IFT122: variants seen among roughly 807,000 people sequenced by gnomAD.
The protein encoded by IFT122 is intraflagellar transport 122, also known as intraflagellar transport protein 122 homolog.
In IFT122, 118 loss-of-function variants were observed where a neutral mutation model predicts 161.6. That is an observed-to-expected ratio of 0.73 (90% CI 0.63 to 0.85). The LOEUF is 0.85. Ranked by LOEUF, IFT122 falls within the 40% of genes least tolerant of loss-of-function variation. IFT122 has a pLI of 0.00. For missense variants in IFT122, 1,381 were observed against 1,579.6 expected, an observed-to-expected ratio of 0.87 and a Z score of 2.13; for synonymous variants, 550 against 602.4, an observed-to-expected ratio of 0.91 and a Z score of 1.27.
At position 129,467,040 on chromosome 3, in the gene IFT122, G is replaced by A. The variant is rs17852522; in HGVS notation, c.714G>A (p.Glu238=). 1.2e-6 allele frequency: 2 copies of A among 1,614,064 alleles called. No homozygotes were observed. The highest frequency in any genetic ancestry group is 4.5e-5 in the East Asian group (2 of 44,890). The change falls in exon 8 of 30, where the codon GAG becomes GAA. Residue 238 remains glutamate (E), a synonymous_variant. Transcript: ENST00000348417. ...CAGAGGAGGAAGAACCAGAGGAAGA[G>A]GACGACAGTCCCAGGGACGACAACT... is the stretch of plus-strand genomic sequence containing the variant. ...SEAEEEEPEE[E]DDSPRDDNLE...
rs781338240 is a variant in IFT122, at chr3:129,458,603, G to A, written c.198G>A (p.Lys66=). The A allele has an allele frequency of 1.2e-6, 2 of 1,613,814 alleles. No individual in the cohort carries two copies. Among genetic ancestry groups the A allele is most frequent in the Middle Eastern group, 1.6e-4 (1 of 6,062 alleles). ...VYCVAYAKDG[K]RFASGSADKS... is the part of the protein sequence containing the mutation. The stretch of plus-strand genomic sequence containing the variant: ...CCATTTTACAAACACTTTTAGGCAA[G>A]CGCTTTGCTTCTGGATCAGCTGACA... The change falls in exon 4 of 30, where the codon AAG becomes AAA. Residue 66 remains lysine, a synonymous_variant. Coordinates refer to ENST00000348417, the MANE Select transcript of IFT122 (RefSeq NM_052989.3).
intron 20 of IFT122, 99 bp downstream of exon 20, chr3:129,502,981 C>T: frequency 8.8e-7 from 1 of 1,142,740 alleles, no homozygotes; most frequent in Non-Finnish European, 1.3e-6. Context: ...TGGAGAGAAG[C>T]TGCCCTCGTG....
intron 4 of IFT122, 24 bp downstream of exon 4, chr3:129,458,701 TTA>T (rs767510838): frequency 6.5e-7 from 1 of 1,538,360 alleles, no homozygotes; most frequent in Non-Finnish European, 9.0e-7. Flanking sequence ...GTGTACAGTA[TTA>T]TGAGTTTGAT....
intron 11 of IFT122, 144 bp downstream of exon 11, chr3:129,476,945 C>CTT (rs952499116): frequency 1.4e-3 from 896 of 641,816 alleles, no homozygotes; most frequent in Non-Finnish European, 1.7e-3. Context: ...GTCTTGTTTT[C>CTT]TTTTTTTTTT....
chr3:129,463,285 G>A, intron 5 of IFT122: 2 of 419,836 alleles, frequency 4.8e-6, no homozygotes, highest in South Asian at 2.2e-5. Flanking sequence ...TCACCATGCA[G>A]TTACCACTTA....
At chr3:129,493,981 T>G (rs67688838) in intron 17 of IFT122, among the ~76,000 whole-genome samples, 20,122 of 152,174 alleles carry the variant, frequency 0.13, 1,690 homozygotes, top group South Asian at 0.24. Flanking sequence ...TGCAGACTTA[T>G]TTGCACACAT....
chr3:129,519,857 G>T (rs1560037458), intron 29 of IFT122, 125 bp downstream of exon 29: 8 of 1,164,724 alleles, frequency 6.9e-6, no homozygotes, highest in East Asian at 2.4e-5. Context: ...TTGGGACAGA[G>T]GCTTGTCTGT....
In IFT122 at chr3:129,476,081, G is replaced by A. The variant is rs1577577533; in HGVS notation, c.817-234G>A. ...TCCTGGAGCACTTGGGTGGGACTAG[G>A]GGAGGTGCCACTGACTCCAGGAGCT... On this transcript the variant is annotated intron_variant, in intron 9 of 29. Coordinates refer to ENST00000348417, the MANE Select transcript of IFT122 (RefSeq NM_052989.3). 26 of 559,532 alleles carry A rather than the reference G, an allele frequency of 4.6e-5. No homozygotes were observed. The East Asian group carries it at 8.0e-4, about 17-fold the overall frequency. 34.7% of individuals were successfully genotyped at this position (559,532 alleles called of 1,614,324 possible). A position where few individuals can be genotyped will look rare whatever the true frequency, so the allele number is the denominator to read the frequency against.
At chr3:129,505,149 A>G (rs956942708) in intron 21 of IFT122, among the ~76,000 whole-genome samples, 16 of 152,184 alleles carry the variant, frequency 1.1e-4, no homozygotes, top group Admixed American at 6.5e-4. Context: ...AATCTTGCCA[A>G]CAGCTGTGCA....
chr3:129,514,090 G>T, intron 24 of IFT122: 1 of 450,890 alleles, frequency 2.2e-6, no homozygotes, highest in East Asian at 4.9e-5. Flanking sequence ...GAGGCAGGAA[G>T]AGCCATTTTG....
chr3:129,513,886 C>CAGGCG (rs59023143), intron 24 of IFT122: 77,111 of 271,594 alleles, frequency 0.28, 17,602 homozygotes, highest in African/African-American at 0.69. Flanking sequence ...CCCCAGAGCA[C>CAGGCG]AGGCTGCCGC....
chr3:129,507,604 G>A (rs1320526582), intron 22 of IFT122, 64 bp from the exon 23 acceptor site: 1 of 1,284,260 alleles, frequency 7.8e-7, no homozygotes, highest in African/African-American at 1.5e-5. Context: ...CCTCCTCCTG[G>A]GGCCAGTTGG....
chr3:129,507,823 A>AT, intron 23 of IFT122, 61 bp downstream of exon 23: 7 of 1,234,054 alleles, frequency 5.7e-6, no homozygotes, highest in Non-Finnish European at 7.2e-6. Flanking sequence ...GGTCCCGGGC[A>AT]TATCTAAAGA....
At chr3:129,475,919 A>T (rs1399617833) in intron 9 of IFT122, among the ~76,000 whole-genome samples, 3 of 152,234 alleles carry the variant, frequency 2.0e-5, no homozygotes, top group South Asian at 4.1e-4. Flanking sequence ...ATACTTTTTT[A>T]AAAAGGCGGA....
At chr3:129,462,291 G>A (rs1577377762) in intron 5 of IFT122, among the ~76,000 whole-genome samples, 2 of 152,172 alleles carry the variant, frequency 1.3e-5, no homozygotes, top group South Asian at 4.2e-4. Context: ...AGGAGAAGGT[G>A]GGATTAAAAA....
chr3:129,464,830 G>C (rs1435697749), intron 7 of IFT122, 49 bp downstream of exon 7: 3 of 1,605,004 alleles, frequency 1.9e-6, no homozygotes, highest in Non-Finnish European at 1.7e-6. Flanking sequence ...TCATGAAGAA[G>C]GGCTTTTTGT....
At chr3:129,513,068 A>G in intron 24 of IFT122, 1 of 156,826 alleles carries the variant, frequency 6.4e-6, no homozygotes, top group Non-Finnish European at 1.4e-5. Context: ...GGAGAGGGTG[A>G]GGGGACCCTG....
Position 129,520,391 on chromosome 3 carries a change from G to A in IFT122, c.*126G>A. Reference sequence around the variant, plus strand: ...AGATGAAGTTTGTGTTTTGTGGGGGGGGCCTTGTGTAACCACGGAATTCCT... The same window carrying A: ...AGATGAAGTTTGTGTTTTGTGGGGGAGGCCTTGTGTAACCACGGAATTCCT... On this transcript the variant is annotated 3_prime_UTR_variant, in exon 30 of 30. Transcript: ENST00000348417. The A allele has an allele frequency of 1.3e-6, 1 of 788,766 alleles. No individual in the cohort carries two copies. The highest frequency in any genetic ancestry group is 2.2e-6 in the Non-Finnish European group (1 of 464,668). 48.9% of individuals were successfully genotyped at this position (788,766 alleles called of 1,614,324 possible).
At chr3:129,446,972 C>T (rs1382382651) in intron 1 of IFT122, among the ~76,000 whole-genome samples, 4 of 152,150 alleles carry the variant, frequency 2.6e-5, no homozygotes, top group African/African-American at 9.7e-5. Context: ...ACTATAGTCA[C>T]CTGAACCAAT....
Sources: gnomAD v4.1 joint callset for allele counts (sites outside exome capture counted in the v4.1 genomes callset) on GRCh38, gnomAD v4.1.1 for gene constraint, MANE v1.5 for transcripts, NCBI Gene and HGNC (gene_info 2026-07-23, HGNC 2026-07-21) for gene names.